The following ASB5 variants were observed in gnomAD, a reference collection of about 807,000 sequenced individuals.
ASB5 encodes the protein ankyrin repeat and SOCS box containing 5.
Under a neutral mutation model 42.1 loss-of-function variants are expected in ASB5, and 45 were observed. The observed-to-expected ratio is 1.07, with a 90% CI of 0.84 to 1.37. The LOEUF is 1.37. ASB5 is among the 40% of genes most tolerant of loss of function. The pLI is 0.00. For synonymous variants in ASB5, 147 were observed against 150.6 expected, an observed-to-expected ratio of 0.98 and a Z score of 0.18; for missense variants, 402 against 399.8, an observed-to-expected ratio of 1.01 and a Z score of -0.05.
At chr4:176,237,261 C>T (rs1474734841) in intron 1 of ASB5, 2 of 984,890 alleles carry the variant, frequency 2.0e-6, no homozygotes. Flanking sequence ...TATTTCAGGA[C>T]ACTGACAGAT....
upstream of ASB5, among the ~76,000 whole-genome samples, chr4:176,270,772 C>T (rs1253425161): frequency 6.6e-6 from 1 of 152,140 alleles, no homozygotes; most frequent in Admixed American, 6.6e-5. Context: ...CATGCTGATT[C>T]TTCTATGGTG....
At chr4:176,228,888 T>C (rs1487695101) in intron 1 of ASB5, among the ~76,000 whole-genome samples, 1 of 152,160 alleles carries the variant, frequency 6.6e-6, no homozygotes, top group Non-Finnish European at 1.5e-5. Context: ...TGTATGATCA[T>C]TAAACAACAT....
intron 5 of ASB5, among the ~76,000 whole-genome samples, chr4:176,220,150 C>G (rs959535348): frequency 6.6e-6 from 1 of 152,154 alleles, no homozygotes; most frequent in Non-Finnish European, 1.5e-5. Context: ...GACAAGCTTG[C>G]TAGAAAGCAT....
At chr4:176,245,822 C>T (rs950964801) in intron 1 of ASB5, among the ~76,000 whole-genome samples, 7 of 152,106 alleles carry the variant, frequency 4.6e-5, no homozygotes, top group Non-Finnish European at 8.8e-5. Context: ...ACCGCATATT[C>T]TTATTCTTCG....
At chr4:176,242,267 G>C (rs1753826635) in intron 1 of ASB5, among the ~76,000 whole-genome samples, 1 of 152,156 alleles carries the variant, frequency 6.6e-6, no homozygotes. Context: ...ACTTATGCTT[G>C]ACTTCATGAC....
chr4:176,231,686 T>G (rs202071936), intron 1 of ASB5, among the ~76,000 whole-genome samples: 1 of 39,148 alleles, frequency 2.6e-5, no homozygotes, highest in African/African-American at 1.4e-4. Context: ...AAATGTAAAT[T>G]AAAAAAAATT....
chr4:176,236,402 G>A (rs1418514823), intron 1 of ASB5, among the ~76,000 whole-genome samples: 1 of 152,098 alleles, frequency 6.6e-6, no homozygotes, highest in Non-Finnish European at 1.5e-5. Flanking sequence ...ATAGGCATTT[G>A]TTGAATTGTT....
chr4:176,216,542 G>C (rs929714534), intron 6 of ASB5, among the ~76,000 whole-genome samples: 1 of 152,054 alleles, frequency 6.6e-6, no homozygotes, highest in African/African-American at 2.4e-5. Context: ...GTAGAGACAG[G>C]GTTTCACCAT....
Position 176,232,129 on chromosome 4 carries a change from T to A in ASB5, c.197-6788A>T, listed in dbSNP as rs572826553. Among the ~76,000 whole-genome samples the A allele has an allele frequency of 2.2e-3, 187 of 84,300 alleles. 1 individual carries two copies. Among genetic ancestry groups the A allele is most frequent in the Middle Eastern group, 0.011 (2 of 184 alleles). 55.3% of individuals were successfully genotyped at this position (84,300 alleles called of 152,430 possible). A position where few individuals can be genotyped will look rare whatever the true frequency, so the allele number is the denominator to read the frequency against. On this transcript the variant is annotated intron_variant, in intron 1 of 6. Transcript: ENST00000296525. Reference sequence around the variant, plus strand: ...CTATTTTATATATATATATATATACTTTTTTTTTTTGAGTTGGAGTTTTGC... The same window carrying A: ...CTATTTTATATATATATATATATACATTTTTTTTTTGAGTTGGAGTTTTGC...
upstream of ASB5, among the ~76,000 whole-genome samples, chr4:176,272,738 C>T (rs1754491484): frequency 6.6e-6 from 1 of 151,988 alleles, no homozygotes; most frequent in African/African-American, 2.4e-5. Context: ...CAAATATAAC[C>T]AGATTAGCCT....
At chr4:176,256,212 C>A (rs967879520) in intron 1 of ASB5, among the ~76,000 whole-genome samples, 2 of 152,192 alleles carry the variant, frequency 1.3e-5, no homozygotes, top group Non-Finnish European at 2.9e-5. Context: ...CACCTGCCTA[C>A]ATCACATAGG....
chr4:176,244,270 T>C (rs1753867560), intron 1 of ASB5, among the ~76,000 whole-genome samples: 1 of 152,228 alleles, frequency 6.6e-6, no homozygotes, highest in Admixed American at 6.5e-5. Flanking sequence ...CATAATCTTG[T>C]CTACAGAAGT....
chr4:176,230,359 T>G (rs1424787923), intron 1 of ASB5, among the ~76,000 whole-genome samples: 1 of 152,192 alleles, frequency 6.6e-6, no homozygotes, highest in African/African-American at 2.4e-5. Flanking sequence ...AATTGAGTGA[T>G]TTATAAATAT....
At chr4:176,275,320 A>C (rs1419295267) in intron 2 of ASB5, among the ~76,000 whole-genome samples, 1 of 152,182 alleles carries the variant, frequency 6.6e-6, no homozygotes, top group Non-Finnish European at 1.5e-5. Context: ...CAATTGGCTA[A>C]TAAAATTGGG....
At chr4:176,218,159 C>T (rs13118072) in intron 5 of ASB5, among the ~76,000 whole-genome samples, 49,884 of 66,568 alleles carry the variant, frequency 0.75, 20,805 homozygotes, top group African/African-American at 0.87. Flanking sequence ...TAAATATATA[C>T]ATTTGTATGA....
At chr4:176,271,924 T>TA (rs1245638356), upstream of ASB5, among the ~76,000 whole-genome samples, 1 of 152,064 alleles carries the variant, frequency 6.6e-6, no homozygotes, top group Admixed American at 6.6e-5. Flanking sequence ...GACTCATACA[T>TA]ACAGAGATTG....
intron 1 of ASB5, among the ~76,000 whole-genome samples, chr4:176,258,119 T>A (rs569197975): frequency 9.8e-5 from 15 of 152,304 alleles, no homozygotes; most frequent in East Asian, 1.9e-4. Context: ...TTGAATTTTT[T>A]AAAAAAGTAT....
intron 1 of ASB5, among the ~76,000 whole-genome samples, chr4:176,266,640 T>C (rs975858782): frequency 6.6e-6 from 1 of 152,120 alleles, no homozygotes; most frequent in African/African-American, 2.4e-5. Flanking sequence ...AAACAAATTA[T>C]GCTTATATTG....
intron 1 of ASB5, among the ~76,000 whole-genome samples, chr4:176,261,539 G>A (rs1282177719): frequency 6.6e-6 from 1 of 152,144 alleles, no homozygotes; most frequent in Non-Finnish European, 1.5e-5. Flanking sequence ...AGACAGCCTT[G>A]TTTGGCTCCA....
Sources: allele counts gnomAD v4.1 joint callset (sites outside exome capture counted in the v4.1 genomes callset), GRCh38; gene constraint gnomAD v4.1.1; transcripts MANE v1.5; gene names NCBI Gene and HGNC (gene_info 2026-07-23, HGNC 2026-07-21).